CMYA5: variants seen among roughly 807,000 people sequenced by gnomAD.
The protein encoded by CMYA5 is cardiomyopathy-associated protein 5.
Under a neutral mutation model 318.9 loss-of-function variants are expected in CMYA5, and 246 were observed. That is an observed-to-expected ratio of 0.77 (90% confidence interval 0.70 to 0.86). The LOEUF is 0.86. Among genes scored for constraint, CMYA5 ranks in the 40% least tolerant of loss-of-function variants. The pLI is 0.00. For missense variants in CMYA5, 4,589 were observed against 4,678.2 expected, an observed-to-expected ratio of 0.98 and a Z score of 0.56; for synonymous variants, 1,641 against 1,729.5, an observed-to-expected ratio of 0.95 and a Z score of 1.27.
Position 79,733,394 on chromosome 5 carries a change from A to C in CMYA5, c.4629A>C (p.Glu1543Asp). 1 of 1,613,590 alleles carries C rather than the reference A, an allele frequency of 6.2e-7. No homozygotes were observed. Among genetic ancestry groups the C allele is most frequent in the Non-Finnish European group, 8.5e-7 (1 of 1,179,834 alleles). The part of the protein sequence containing the change: ...LWGEIKKKET[E>D]LPSSQNVSPA... ...GTGAGATAAAGAAGAAAGAAACTGA[A>C]CTTCCTTCATCACAAAATGTGTCAC... Residue 1543 changes from glutamate to aspartate, a missense_variant, in exon 2 of 13, where the codon GAA becomes GAC. By Grantham distance (45) the Glu-to-Asp change is conservative. Around this residue, in one of 3 missense-constraint regions of CMYA5, gnomAD observed 2,132 missense variants for 2,131.3 expected, o/e 1.00. Transcript: ENST00000446378.
intron 4 of CMYA5, 37 bp downstream of exon 4, chr5:79,745,492 C>T: frequency 7.6e-7 from 1 of 1,318,154 alleles, no homozygotes; most frequent in Non-Finnish European, 1.1e-6. Context: ...ACACCTTGCG[C>T]CCACTCTGGC....
rs774034398 is a variant in CMYA5 at position 79,733,723 on chromosome 5, G to T, written c.4958G>T (p.Gly1653Val). Residue 1653 changes from glycine (G) to valine (V), a missense_variant, in exon 2 of 13, where the codon GGT becomes GTT. Physicochemically the swap from Gly to Val is moderately radical, Grantham distance 109. Coordinates refer to ENST00000446378, the MANE Select transcript of CMYA5 (RefSeq NM_153610.5). ...SDLGRQSGSI[G>V]TKQAKSPITE... The stretch of plus-strand genomic sequence containing the variant: ...TTAGGTAGACAAAGTGGATCCATAG[G>T]TACAAAACAAGCAAAGTCTCCCATA... 6 of 1,613,636 alleles carry T rather than the reference G, an allele frequency of 3.7e-6. No individual in the cohort carries two copies. Among genetic ancestry groups the T allele is most frequent in the Non-Finnish European group, 5.1e-6 (6 of 1,179,834 alleles).
intron 9 of CMYA5, among the ~76,000 whole-genome samples, chr5:79,787,183 AT>A (rs1485720225): frequency 2.6e-5 from 4 of 152,066 alleles, no homozygotes; most frequent in Non-Finnish European, 5.9e-5. Flanking sequence ...TAAAGCTAAA[AT>A]TTCCCCACCA....
intron 12 of CMYA5, among the ~76,000 whole-genome samples, chr5:79,799,000 A>G (rs918162915): frequency 8.5e-5 from 13 of 152,372 alleles, no homozygotes; most frequent in African/African-American, 3.1e-4. Context: ...ACTTTTAAAA[A>G]TACATGGCAG....
At chr5:79,792,760 T>C (rs1395003689) in intron 11 of CMYA5, among the ~76,000 whole-genome samples, 1 of 152,254 alleles carries the variant, frequency 6.6e-6, no homozygotes, top group Non-Finnish European at 1.5e-5. Flanking sequence ...CAGTTGAAAG[T>C]GCTTTTGGTT....
Position 79,761,940 on chromosome 5 carries a change from G to T in CMYA5, c.11390G>T (p.Arg3797Met), listed in dbSNP as rs1410957790. ...NFTGCSLPSE[R>M]AIFRTAPSTP... ...ACTGGATGTAGCCTGCCCAGTGAAA[G>T]GGCCATCTTTAGGACAGGTAAGGAG... Residue 3797 changes from arginine (R) to methionine (M), a missense_variant, in exon 8 of 13, where the codon AGG becomes ATG. By Grantham distance (91) the Arg-to-Met change is moderately conservative (BLOSUM62 -1). This residue lies in a region of CMYA5 where 2,431 missense variants were observed against 2,495.1 expected (regional missense o/e 0.97). Transcript: ENST00000446378. 6.2e-7 allele frequency: 1 copy of T among 1,613,352 alleles called. No homozygotes were observed. The highest frequency in any genetic ancestry group is 1.3e-5 in the African/African-American group (1 of 74,912).
At position 79,726,909 on chromosome 5, in the gene CMYA5, A is replaced by ATTTTTTTTTT. The variant is rs34198193; in HGVS notation, c.150-1992_150-1983dup. 8.7e-3 allele frequency among the ~76,000 whole-genome samples: 836 copies of ATTTTTTTTTT among 95,984 alleles called. 109 individuals carry two copies. The highest frequency in any genetic ancestry group is 0.031 in the African/African-American group (594 of 19,208). The allele number at this position is 95,984 out of a possible 152,430, so 63.0% of individuals were successfully genotyped here. A position where few individuals can be genotyped will look rare whatever the true frequency, so the allele number is the denominator to read the frequency against. ...AGAGCTAGGATTGTTTAGGCCAGTGATTTTTTTTTTTTTTTTTTTTTTTGA... is the reference window on the plus strand; with the variant it reads ...AGAGCTAGGATTGTTTAGGCCAGTGATTTTTTTTTTTTTTTTTTTTTTTTTTTTTTTTTGA... On this transcript the variant is annotated intron_variant, in intron 1 of 12. Transcript: ENST00000446378.
At chr5:79,745,169 G>A (rs1393609501) in intron 3 of CMYA5, 53 bp from the exon 4 acceptor site, 5 of 1,075,714 alleles carry the variant, frequency 4.6e-6, no homozygotes, top group Admixed American at 2.8e-5. Flanking sequence ...AAAAAAAAAA[G>A]CAGCATTTCT....
intron 12 of CMYA5, among the ~76,000 whole-genome samples, chr5:79,798,063 G>T (rs1040333396): frequency 1.4e-4 from 21 of 152,022 alleles, no homozygotes; most frequent in Non-Finnish European, 2.6e-4. Flanking sequence ...TCTCTCATTA[G>T]CAAGGCATTG....
At chr5:79,695,740 A>G (rs1425985520) in intron 1 of CMYA5, among the ~76,000 whole-genome samples, 1 of 152,236 alleles carries the variant, frequency 6.6e-6, no homozygotes, top group African/African-American at 2.4e-5. Context: ...TTTCAATGTA[A>G]TATCATAAGC....
At position 79,729,405 on chromosome 5, in the gene CMYA5, C is replaced by G; in HGVS notation, c.640C>G (p.Pro214Ala). ...TGGGGCAATATACAAAGAACACAAGCCATTAGTGTTAAGACCAGTCTACAT... is the reference window on the plus strand; with the variant it reads ...TGGGGCAATATACAAAGAACACAAGGCATTAGTGTTAAGACCAGTCTACAT... ...ITGAIYKEHKPLVLRPVYIGT... is the reference protein window; with the variant it reads ...ITGAIYKEHKALVLRPVYIGT... Residue 214 changes from proline (P) to alanine (A), a missense_variant, in exon 2 of 13, where the codon CCA becomes GCA. By Grantham distance (27) the Pro-to-Ala change is conservative. Coordinates refer to ENST00000446378, the MANE Select transcript of CMYA5 (RefSeq NM_153610.5). The G allele has an allele frequency of 6.2e-7, 1 of 1,613,494 alleles. No individual in the cohort carries two copies. Among genetic ancestry groups the G allele is most frequent in the East Asian group, 2.2e-5 (1 of 44,864 alleles).
At chr5:79,721,518 T>A (rs1018068763) in intron 1 of CMYA5, among the ~76,000 whole-genome samples, 4 of 152,188 alleles carry the variant, frequency 2.6e-5, no homozygotes, top group Admixed American at 1.3e-4. Context: ...ATGGATTTTT[T>A]AAAAACTATA....
In CMYA5 at chr5:79,756,131, T is replaced by C. The variant is rs1372577278; in HGVS notation, c.11111-2622T>C. Among the ~76,000 whole-genome samples the C allele has an allele frequency of 5.5e-5, 7 of 128,004 alleles. No homozygotes were observed. The East Asian group carries it at 9.9e-4, about 18-fold the overall frequency. 84.0% of individuals were successfully genotyped at this position (128,004 alleles called of 152,430 possible). ...ATGAAAATTTACTGAACTACATTTTTCTGGACAGACTTATTTAGAATGTGA... is the reference window on the plus strand; with the variant it reads ...ATGAAAATTTACTGAACTACATTTTCCTGGACAGACTTATTTAGAATGTGA... On this transcript the variant is annotated intron_variant, in intron 6 of 12. Coordinates refer to ENST00000446378, the MANE Select transcript of CMYA5 (RefSeq NM_153610.5).
chr5:79,734,565 T>C lies in CMYA5; in HGVS notation c.5800T>C (p.Ser1934Pro). The C allele has an allele frequency of 1.9e-6, 3 of 1,613,892 alleles. No individual in the cohort carries two copies. Among genetic ancestry groups the C allele is most frequent in the Non-Finnish European group, 2.5e-6 (3 of 1,179,838 alleles). Residue 1934 changes from serine (S) to proline (P), a missense_variant, in exon 2 of 13, where the codon TCC becomes CCC. Coordinates refer to ENST00000446378, the MANE Select transcript of CMYA5 (RefSeq NM_153610.5). ...LRPGQLKAAVSSKDHTCEVRK... is the reference protein window; with the variant it reads ...LRPGQLKAAVPSKDHTCEVRK... The stretch of plus-strand genomic sequence containing the variant: ...GCCAGGGCAGCTCAAGGCTGCTGTG[T>C]CCAGTAAGGACCATACATGTGAAGT...
intron 1 of CMYA5, among the ~76,000 whole-genome samples, chr5:79,712,099 A>G (rs1827403020): frequency 6.6e-6 from 1 of 152,222 alleles, no homozygotes; most frequent in Non-Finnish European, 1.5e-5. Flanking sequence ...TGCTGGCACC[A>G]GGCAAAGGGG....
rs62621913 is a variant in CMYA5 at position 79,734,013 on chromosome 5, G to A, written c.5248G>A (p.Gly1750Arg). ...TCAGCCATTTACTTTTTCTTTAAAA[G>A]GATTATCAGAGGAGGTTAGCCATCC... ...EFQPFTFSLK[G>R]LSEEVSHPAD... Residue 1750 changes from glycine (G) to arginine (R), a missense_variant, in exon 2 of 13, where the codon GGA becomes AGA. Physicochemically the swap from Gly to Arg is moderately radical, Grantham distance 125. Transcript: ENST00000446378. The A allele has an allele frequency of 2.7e-4, 440 of 1,613,558 alleles. 1 individual carries two copies. The highest frequency in any genetic ancestry group is 1.6e-4 in the Middle Eastern group (1 of 6,084).
At chr5:79,788,947 T>A in intron 9 of CMYA5, 24 bp from the exon 10 acceptor site, 1 of 1,607,990 alleles carries the variant, frequency 6.2e-7, no homozygotes, top group Non-Finnish European at 8.5e-7. Flanking sequence ...ATGTTTAAAA[T>A]TATTATTTTC....
chr5:79,749,416 T>C (rs1828390592), intron 5 of CMYA5, among the ~76,000 whole-genome samples: 2 of 152,156 alleles, frequency 1.3e-5, no homozygotes, highest in Admixed American at 1.3e-4. Flanking sequence ...AAGTGCTAAT[T>C]ATCTACAGTT....
intron 9 of CMYA5, among the ~76,000 whole-genome samples, chr5:79,777,474 TA>T (rs1025861548): frequency 4.6e-5 from 7 of 151,128 alleles, no homozygotes; most frequent in Admixed American, 6.6e-5. Flanking sequence ...CTACTTCAAT[TA>T]AAAAAAAAAT....
Sources: allele counts gnomAD v4.1 joint callset (sites outside exome capture counted in the v4.1 genomes callset), GRCh38; gene constraint gnomAD v4.1.1; regional missense constraint gnomAD v4.1.1; transcripts MANE v1.5; gene names NCBI Gene and HGNC (gene_info 2026-07-23, HGNC 2026-07-21).